HDAC8: variants seen among roughly 807,000 people sequenced by gnomAD.
The protein encoded by HDAC8 is histone deacetylase-like 1.
Under a neutral mutation model 32.2 loss-of-function variants are expected in HDAC8, and 1 was observed. The observed-to-expected ratio is 0.03, with a 90% confidence interval of 0.01 to 0.15. The LOEUF (loss-of-function observed/expected upper bound fraction) is 0.15. Ranked by LOEUF, HDAC8 falls within the 10% of genes least tolerant of loss-of-function variation. HDAC8 has a pLI of 1.00. For synonymous variants in HDAC8, 108 were observed against 113.9 expected (o/e 0.95, Z 0.33); for missense variants, 117 against 300.0 (o/e 0.39, Z 4.51).
intron 4 of HDAC8, among the ~76,000 whole-genome samples, chrX:72,556,310 T>G (rs2051281762): frequency 8.9e-6 from 1 of 111,907 alleles, no homozygotes; most frequent in African/African-American, 3.2e-5. Flanking sequence ...CCTTAAAGCA[T>G]AAATCTCACA....
Position 72,429,397 on chromosome X carries a change from C to G in HDAC8, c.1005+32607G>C, listed in dbSNP as rs150393242. Among the ~76,000 whole-genome samples the G allele has an allele frequency of 4.1e-3, 460 of 112,056 alleles. 3 individuals are homozygous for G. The highest frequency in any genetic ancestry group is 0.031 in the South Asian group (82 of 2,669). On this transcript the variant is annotated intron_variant, in intron 9 of 10. Transcript: ENST00000373573. The stretch of plus-strand genomic sequence containing the variant: ...CTAATATGGTTTTTAATTAATTCCT[C>G]TGATTTTATCAAATGGTGCAACTTG...
intron 4 of HDAC8, among the ~76,000 whole-genome samples, chrX:72,529,160 T>A (rs1556034306): frequency 2.7e-5 from 3 of 112,276 alleles, no homozygotes; most frequent in Non-Finnish European, 3.8e-5. Context: ...ATGTAGTAAA[T>A]ACCTGTGAAA....
chrX:72,368,520 C>T (rs782754395), intron 9 of HDAC8, among the ~76,000 whole-genome samples: 1 of 111,289 alleles, frequency 9.0e-6, no homozygotes, highest in East Asian at 2.8e-4. Flanking sequence ...CCACATGCAG[C>T]TAATTTTTGT....
intron 4 of HDAC8, among the ~76,000 whole-genome samples, chrX:72,520,837 GA>G (rs1392272655): frequency 8.9e-6 from 1 of 111,972 alleles, no homozygotes; most frequent in Non-Finnish European, 1.9e-5. Context: ...ATGGCTTTCT[GA>G]AGAGTCCAGG....
chrX:72,515,278 G>A (rs1479276247), intron 4 of HDAC8, among the ~76,000 whole-genome samples: 1 of 110,912 alleles, frequency 9.0e-6, no homozygotes, highest in East Asian at 2.8e-4. Flanking sequence ...ACATATAAGT[G>A]AAATCACGTG....
chrX:72,499,985 G>C (rs2049154053), intron 4 of HDAC8, among the ~76,000 whole-genome samples: 1 of 111,502 alleles, frequency 9.0e-6, no homozygotes, highest in African/African-American at 3.3e-5. Context: ...ATAACCAGCA[G>C]AATCTATGAT....
intron 4 of HDAC8, among the ~76,000 whole-genome samples, chrX:72,541,939 C>T (rs1422581862): frequency 8.9e-6 from 1 of 111,968 alleles, no homozygotes; most frequent in Non-Finnish European, 1.9e-5. Context: ...ACTCAGATTT[C>T]TCTCTGTCAC....
In HDAC8 at chrX:72,548,590, C is replaced by T. The variant is rs1350562454; in HGVS notation, c.437+19299G>A. On this transcript the variant is annotated intron_variant, in intron 4 of 10. Transcript: ENST00000373573. ...CACCTCCTTGTCTCACTGGCACATCCCTTTTCATCCTTTGAAGACATCTTC... is the reference window on the plus strand; with the variant it reads ...CACCTCCTTGTCTCACTGGCACATCTCTTTTCATCCTTTGAAGACATCTTC... 3.6e-5 allele frequency among the ~76,000 whole-genome samples: 4 copies of T among 111,865 alleles called. No homozygotes were observed. The Admixed American group carries it at 3.8e-4, about 11-fold the overall frequency.
At chrX:72,509,144 A>G (rs1302658678) in intron 4 of HDAC8, among the ~76,000 whole-genome samples, 3 of 107,437 alleles carry the variant, frequency 2.8e-5, no homozygotes, top group South Asian at 4.2e-4. Flanking sequence ...CCTGTTGCCC[A>G]GGCTAGAGTG....
At position 72,335,903 on chromosome X, in the gene HDAC8, T is replaced by G. The variant is rs2043668694; in HGVS notation, c.1112-5827A>C. On this transcript the variant is annotated intron_variant, in intron 10 of 10. Transcript: ENST00000373573. The stretch of plus-strand genomic sequence containing the variant: ...TGGCCTGGGTGACAGAGTGAAACAC[T>G]GTCTCTAAAAAAAAAAAAAAAAATT... Among the ~76,000 whole-genome samples, 4 of 100,441 alleles carry G rather than the reference T, an allele frequency of 4.0e-5. No homozygotes were observed. The South Asian group carries it at 1.9e-3, about 47-fold the overall frequency. The allele number at this position is 100,441 out of a possible 115,157, so 87.2% of individuals were successfully genotyped here. A position where few individuals can be genotyped will look rare whatever the true frequency, so the allele number is the denominator to read the frequency against.
chrX:72,543,048 G>C (rs1302751663), intron 4 of HDAC8, among the ~76,000 whole-genome samples: 3 of 111,962 alleles, frequency 2.7e-5, no homozygotes, highest in African/African-American at 9.7e-5. Flanking sequence ...GAAAGTGATA[G>C]TGCTGGGATT....
intron 9 of HDAC8, among the ~76,000 whole-genome samples, chrX:72,383,003 T>C (rs1268259658): frequency 8.9e-6 from 1 of 112,259 alleles, no homozygotes; most frequent in African/African-American, 3.2e-5. Flanking sequence ...TTTCGTATTC[T>C]ACTTATAGGA....
intron 4 of HDAC8, among the ~76,000 whole-genome samples, chrX:72,526,415 C>A (rs1365099972): frequency 1.8e-5 from 2 of 110,393 alleles, no homozygotes; most frequent in Non-Finnish European, 3.8e-5. Context: ...ATACTGTGCA[C>A]ACCTCTCTCG....
intron 9 of HDAC8, among the ~76,000 whole-genome samples, chrX:72,412,475 G>A (rs2984282): frequency 0.084 from 9,326 of 111,383 alleles, 923 homozygotes; most frequent in African/African-American, 0.29. Context: ...CAAGCTTATA[G>A]GTATTCCTTT....
chrX:72,335,650 C>T (rs185281294), intron 10 of HDAC8, among the ~76,000 whole-genome samples: 2 of 111,723 alleles, frequency 1.8e-5, no homozygotes, highest in Admixed American at 1.9e-4. Context: ...GTGGCTCATG[C>T]CTGTAATCCC....
chrX:72,544,165 T>C (rs1399455697), intron 4 of HDAC8, among the ~76,000 whole-genome samples: 4 of 112,092 alleles, frequency 3.6e-5, no homozygotes, highest in African/African-American at 1.3e-4. Context: ...AAAGGAAGTA[T>C]GTCCTGTCTT....
intron 7 of HDAC8, among the ~76,000 whole-genome samples, chrX:72,486,227 G>A (rs1442535595): frequency 2.7e-5 from 3 of 112,730 alleles, no homozygotes; most frequent in Non-Finnish European, 3.7e-5. Flanking sequence ...GAGGTAGGCA[G>A]AAGGGTCAGA....
intron 7 of HDAC8, among the ~76,000 whole-genome samples, chrX:72,483,898 G>A (rs1434176310): frequency 8.9e-6 from 1 of 112,089 alleles, no homozygotes; most frequent in Non-Finnish European, 1.9e-5. Flanking sequence ...TAAAAACTTA[G>A]GCTTTAATGA....
At chrX:72,366,180 A>T (rs1295166443) in intron 9 of HDAC8, among the ~76,000 whole-genome samples, 1 of 112,215 alleles carries the variant, frequency 8.9e-6, no homozygotes, top group East Asian at 2.8e-4. Flanking sequence ...GCTTTCCATC[A>T]GAAATTCAGA....
Sources: gnomAD v4.1 joint callset for allele counts (sites outside exome capture counted in the v4.1 genomes callset) on GRCh38, gnomAD v4.1.1 for gene constraint, MANE v1.5 for transcripts, NCBI Gene and HGNC (gene_info 2026-07-23, HGNC 2026-07-21) for gene names.